The following ADAMTS17 variants were observed in gnomAD, a reference collection of about 807,000 sequenced individuals.
ADAMTS17 encodes the protein A disintegrin and metalloproteinase with thrombospondin motifs 17.
A neutral mutation model predicts 141.5 loss-of-function variants in ADAMTS17; 113 were observed. The observed-to-expected ratio is 0.80, with a 90% CI of 0.69 to 0.93. ADAMTS17 has a LOEUF of 0.93. Ranked by LOEUF, ADAMTS17 falls within the 40% of genes least tolerant of loss-of-function variation. The pLI is 0.00. For synonymous variants in ADAMTS17, 768 were observed against 630.6 expected, an observed-to-expected ratio of 1.22 and a Z score of -3.27; for missense variants, 1,659 against 1,517.9, an observed-to-expected ratio of 1.09 and a Z score of -1.54.
intron 15 of ADAMTS17, among the ~76,000 whole-genome samples, chr15:100,083,570 G>C (rs149380519): frequency 3.9e-5 from 6 of 152,172 alleles, no homozygotes; most frequent in African/African-American, 1.4e-4. Context: ...GTTTAGCAGT[G>C]TCCTTCAGCC....
chr15:100,272,683 A>T (rs939152586), intron 4 of ADAMTS17, among the ~76,000 whole-genome samples: 1 of 150,004 alleles, frequency 6.7e-6, no homozygotes, highest in African/African-American at 2.5e-5. Flanking sequence ...GAGGCCTTCA[A>T]TTTCTTTTTC....
intron 20 of ADAMTS17, 177 bp from the exon 21 acceptor site, chr15:99,976,399 G>C (rs1201068614): frequency 2.4e-6 from 2 of 827,618 alleles, no homozygotes; most frequent in Admixed American, 2.0e-5. Flanking sequence ...CCTGAGTGGG[G>C]CCTACACGAG....
At position 99,974,581 on chromosome 15, in the gene ADAMTS17, G is replaced by C. The variant is rs1269852626; in HGVS notation, c.3128-19C>G. The C allele has an allele frequency of 6.2e-7, 1 of 1,614,166 alleles. No homozygotes were observed. ...AGAGCAGCTAAGGGGATAGGAGAGA[G>C]AATACCCAGGGTCAGGGATGGCCTA... On this transcript the variant is annotated intron_variant, in intron 21 of 21. Coordinates refer to ENST00000268070, the MANE Select transcript of ADAMTS17 (RefSeq NM_139057.4).
At chr15:100,240,438 C>G (rs1036693061) in intron 7 of ADAMTS17, among the ~76,000 whole-genome samples, 9 of 152,220 alleles carry the variant, frequency 5.9e-5, no homozygotes, top group Non-Finnish European at 8.8e-5. Flanking sequence ...GGAGAAGAAG[C>G]AGGTACAAGA....
intron 18 of ADAMTS17, among the ~76,000 whole-genome samples, chr15:100,010,015 T>A (rs1425200417): frequency 6.6e-6 from 1 of 152,118 alleles, no homozygotes; most frequent in African/African-American, 2.4e-5. Context: ...ATGAGGGTGG[T>A]TTTTTTCCCG....
chr15:100,156,160 A>T (rs1206797115), intron 8 of ADAMTS17, among the ~76,000 whole-genome samples: 1 of 152,244 alleles, frequency 6.6e-6, no homozygotes, highest in Non-Finnish European at 1.5e-5. Flanking sequence ...ACCTCAAATC[A>T]CTGCCAGCTT....
intron 8 of ADAMTS17, among the ~76,000 whole-genome samples, chr15:100,177,743 A>G (rs894783175): frequency 1.2e-4 from 18 of 152,322 alleles, no homozygotes; most frequent in Admixed American, 1.1e-3. Flanking sequence ...TTTTGAAAAT[A>G]GCCTTTTAAA....
chr15:100,240,795 T>C (rs1461316415), intron 7 of ADAMTS17, among the ~76,000 whole-genome samples: 1 of 152,218 alleles, frequency 6.6e-6, no homozygotes, highest in African/African-American at 2.4e-5. Flanking sequence ...TCCCAGCTTA[T>C]ACTCAACTTC....
At chr15:100,088,683 C>T (rs2035261613) in intron 15 of ADAMTS17, among the ~76,000 whole-genome samples, 1 of 151,958 alleles carries the variant, frequency 6.6e-6, no homozygotes, top group East Asian at 1.9e-4. Flanking sequence ...AGAAATAATA[C>T]CACACATCTA....
At chr15:100,161,402 G>A (rs1193100087) in intron 8 of ADAMTS17, among the ~76,000 whole-genome samples, 2 of 152,020 alleles carry the variant, frequency 1.3e-5, no homozygotes, top group Non-Finnish European at 2.9e-5. Context: ...AGTAGTCTTG[G>A]CTGAGTCTGT....
chr15:100,050,556 C>A (rs1267543884), intron 17 of ADAMTS17, among the ~76,000 whole-genome samples: 1 of 152,126 alleles, frequency 6.6e-6, no homozygotes, highest in South Asian at 2.1e-4. Context: ...GCCAAGATGC[C>A]CAGGAAGAAA....
At chr15:100,131,959 G>C in intron 12 of ADAMTS17, 48 bp downstream of exon 12, 1 of 1,613,202 alleles carries the variant, frequency 6.2e-7, no homozygotes, top group Non-Finnish European at 8.5e-7. Context: ...CTGCTGTTGG[G>C]AAACTCCAAT....
chr15:100,237,530 A>G (rs2042696127), intron 7 of ADAMTS17, among the ~76,000 whole-genome samples: 1 of 152,250 alleles, frequency 6.6e-6, no homozygotes, highest in African/African-American at 2.4e-5. Context: ...GGCATTGTGC[A>G]GGAGGGACTC....
chr15:100,249,301 G>A (rs2043080535), intron 7 of ADAMTS17, among the ~76,000 whole-genome samples: 1 of 152,214 alleles, frequency 6.6e-6, no homozygotes, highest in Non-Finnish European at 1.5e-5. Context: ...AGATCTGAAG[G>A]GTGCAGTGGG....
intron 20 of ADAMTS17, among the ~76,000 whole-genome samples, chr15:99,990,896 C>T (rs1368905534): frequency 6.6e-6 from 1 of 152,066 alleles, no homozygotes; most frequent in African/African-American, 2.4e-5. Context: ...TCTTTGACAA[C>T]CCTGACAAAA....
chr15:100,224,283 C>T (rs1450433239), intron 7 of ADAMTS17, among the ~76,000 whole-genome samples: 3 of 152,074 alleles, frequency 2.0e-5, no homozygotes, highest in Admixed American at 2.0e-4. Context: ...AGAGACAGAG[C>T]AAATGCAATT....
chr15:100,226,149 A>C (rs1262811531), intron 7 of ADAMTS17, among the ~76,000 whole-genome samples: 1 of 152,026 alleles, frequency 6.6e-6, no homozygotes, highest in Non-Finnish European at 1.5e-5. Context: ...CTCTGTGCCC[A>C]TTCAGTCCTT....
At chr15:100,091,840 T>C (rs949577352) in intron 15 of ADAMTS17, among the ~76,000 whole-genome samples, 1 of 152,210 alleles carries the variant, frequency 6.6e-6, no homozygotes, top group African/African-American at 2.4e-5. Flanking sequence ...TTGTTTTATT[T>C]TTCTCTTCTT....
At chr15:100,063,502 T>C in intron 15 of ADAMTS17, 1 of 410,754 alleles carries the variant, frequency 2.4e-6, no homozygotes, top group Non-Finnish European at 4.7e-6. Context: ...TGGGGGTGGC[T>C]GCATGTTAGT....
Sources: allele counts gnomAD v4.1 joint callset (sites outside exome capture counted in the v4.1 genomes callset), GRCh38; gene constraint gnomAD v4.1.1; transcripts MANE v1.5; gene names NCBI Gene and HGNC (gene_info 2026-07-23, HGNC 2026-07-21).